Variants in CSMD1 observed in about 807,000 individuals in gnomAD.
CSMD1 encodes CUB and Sushi multiple domains 1.
In CSMD1, 213 loss-of-function variants were observed where a neutral mutation model predicts 417.5. That is an observed-to-expected ratio of 0.51 (90% CI 0.46 to 0.57). CSMD1 has a LOEUF of 0.57. Among genes scored for constraint, CSMD1 ranks in the 20% least tolerant of loss-of-function variants. The probability of loss-of-function intolerance (pLI) is 0.00; values close to 1 mark genes in which losing one functional copy is unlikely to be tolerated. For synonymous variants in CSMD1, 2,862 were observed against 1,736.8 expected, an observed-to-expected ratio of 1.65 and a Z score of -16.11; for missense variants, 6,923 against 4,529.7, an observed-to-expected ratio of 1.53 and a Z score of -15.17.
At chr8:4,133,273 A>G (rs778676334) in intron 3 of CSMD1, among the ~76,000 whole-genome samples, 25 of 152,174 alleles carry the variant, frequency 1.6e-4, no homozygotes, top group Non-Finnish European at 3.1e-4. Context: ...AAAGACTTCA[A>G]TAAAACTGAT....
chr8:3,354,029 A>G (rs918969239), intron 21 of CSMD1, among the ~76,000 whole-genome samples: 2 of 152,222 alleles, frequency 1.3e-5, no homozygotes, highest in African/African-American at 4.8e-5. Flanking sequence ...CGTGGAGGCT[A>G]GGAAGCCCCA....
At chr8:3,989,810 C>T (rs558064357) in intron 5 of CSMD1, among the ~76,000 whole-genome samples, 2 of 152,144 alleles carry the variant, frequency 1.3e-5, no homozygotes, top group East Asian at 3.9e-4. Context: ...CACGTGCCAA[C>T]AGGAAGTAAC....
intron 4 of CSMD1, among the ~76,000 whole-genome samples, chr8:4,030,011 A>G (rs1219084266): frequency 6.6e-6 from 1 of 152,166 alleles, no homozygotes; most frequent in Non-Finnish European, 1.5e-5. Flanking sequence ...GGTCATGCTG[A>G]TGCAAGAGGT....
chr8:3,901,066 T>C (rs1807717482), intron 5 of CSMD1, among the ~76,000 whole-genome samples: 1 of 152,200 alleles, frequency 6.6e-6, no homozygotes, highest in African/African-American at 2.4e-5. Flanking sequence ...GATTTTGTAG[T>C]AAAGAAATAA....
chr8:3,751,805 T>C (rs1018566574), intron 6 of CSMD1, among the ~76,000 whole-genome samples: 1 of 152,154 alleles, frequency 6.6e-6, no homozygotes, highest in Non-Finnish European at 1.5e-5. Context: ...CTGATCAGGT[T>C]TGAGAAACAA....
intron 49 of CSMD1, among the ~76,000 whole-genome samples, chr8:3,053,375 C>T (rs1812000315): frequency 6.6e-6 from 1 of 150,790 alleles, no homozygotes; most frequent in Middle Eastern, 3.5e-3. Context: ...GCAGTGTAGA[C>T]TCTTTGGTGT....
chr8:3,470,180 T>C (rs1817006588), intron 11 of CSMD1, among the ~76,000 whole-genome samples: 1 of 152,134 alleles, frequency 6.6e-6, no homozygotes, highest in South Asian at 2.1e-4. Context: ...TTCTTTAAAG[T>C]TTTTTTGTAA....
intron 5 of CSMD1, among the ~76,000 whole-genome samples, chr8:3,769,251 G>T (rs939696484): frequency 6.6e-6 from 1 of 152,156 alleles, no homozygotes; most frequent in South Asian, 2.1e-4. Context: ...TCATCACCAT[G>T]ATTCTTCCAT....
intron 3 of CSMD1, among the ~76,000 whole-genome samples, chr8:4,373,648 G>C (rs934930040): frequency 6.6e-6 from 1 of 152,106 alleles, no homozygotes; most frequent in Non-Finnish European, 1.5e-5. Flanking sequence ...AAAATATTAT[G>C]GAAGTTATGA....
At chr8:4,841,921 A>AC (rs1800860657) in intron 1 of CSMD1, among the ~76,000 whole-genome samples, 1 of 143,124 alleles carries the variant, frequency 7.0e-6, no homozygotes, top group African/African-American at 2.6e-5. Context: ...CAAAAAAAAA[A>AC]AAAAAAAAAA....
chr8:3,768,480 T>C (rs971163613), intron 5 of CSMD1, among the ~76,000 whole-genome samples: 4 of 152,170 alleles, frequency 2.6e-5, no homozygotes, highest in East Asian at 3.9e-4. Flanking sequence ...TTTCTGAAAA[T>C]TTCTAGTTTA....
At chr8:4,159,168 G>A (rs1042015614) in intron 3 of CSMD1, among the ~76,000 whole-genome samples, 1 of 151,940 alleles carries the variant, frequency 6.6e-6, no homozygotes, top group South Asian at 2.1e-4. Context: ...CACCTGTCTC[G>A]GCCTCCCAAA....
intron 26 of CSMD1, among the ~76,000 whole-genome samples, chr8:3,239,296 G>C (rs1189903522): frequency 1.3e-5 from 2 of 152,102 alleles, no homozygotes; most frequent in Non-Finnish European, 2.9e-5. Flanking sequence ...GTCTGCTATT[G>C]GACTGTATAG....
chr8:4,990,614 C>T (rs1811410987), intron 1 of CSMD1, among the ~76,000 whole-genome samples: 1 of 152,160 alleles, frequency 6.6e-6, no homozygotes, highest in Non-Finnish European at 1.5e-5. Flanking sequence ...CCACCTCAGC[C>T]TCCCAAAGTG....
intron 2 of CSMD1, among the ~76,000 whole-genome samples, chr8:4,520,521 G>C (rs1223494485): frequency 6.6e-6 from 1 of 152,124 alleles, no homozygotes; most frequent in Non-Finnish European, 1.5e-5. Context: ...AAGACATCCC[G>C]ATAGGTGTCT....
chr8:3,037,241 TG>T (rs1683748094), intron 50 of CSMD1, among the ~76,000 whole-genome samples: 2 of 137,960 alleles, frequency 1.4e-5, no homozygotes, highest in Admixed American at 7.3e-5. Context: ...AGTCTCGCTC[TG>T]TGGCCCAGGC....
chr8:4,319,278 G>T (rs770197961), intron 3 of CSMD1, among the ~76,000 whole-genome samples: 1 of 152,006 alleles, frequency 6.6e-6, no homozygotes, highest in Non-Finnish European at 1.5e-5. Context: ...TCTTAGTAAT[G>T]TCCTTTCCTT....
intron 21 of CSMD1, 44 bp from the exon 22 acceptor site, chr8:3,348,205 AT>A: frequency 6.6e-7 from 1 of 1,523,110 alleles, no homozygotes; most frequent in Non-Finnish European, 9.0e-7. Context: ...CAAAAGTGGA[AT>A]TACTGTTTTT....
intron 5 of CSMD1, among the ~76,000 whole-genome samples, chr8:3,819,775 G>C (rs1375182795): frequency 6.6e-6 from 1 of 152,068 alleles, no homozygotes; most frequent in Non-Finnish European, 1.5e-5. Flanking sequence ...ATTATATAGA[G>C]ATGTAAGCAA....
Sources: gnomAD v4.1 joint callset for allele counts (sites outside exome capture counted in the v4.1 genomes callset) on GRCh38, gnomAD v4.1.1 for gene constraint, MANE v1.5 for transcripts, NCBI Gene and HGNC (gene_info 2026-07-23, HGNC 2026-07-21) for gene names.